Variants in SLC2A1 observed in about 807,000 individuals in gnomAD.
The protein encoded by SLC2A1 is solute carrier family 2 member 1.
SLC2A1 carries 4 observed loss-of-function variants against 46.6 expected under a neutral mutation model. The observed-to-expected ratio is 0.09, with a 90% CI of 0.04 to 0.20. The LOEUF is 0.20. Among genes scored for constraint, SLC2A1 ranks in the 10% least tolerant of loss-of-function variants. The probability of loss-of-function intolerance (pLI) is 1.00; values close to 1 mark genes in which losing one functional copy is unlikely to be tolerated. For missense variants in SLC2A1, 352 were observed against 667.0 expected (o/e 0.53, Z 5.20); for synonymous variants, 253 against 270.0 (o/e 0.94, Z 0.62).
rs769943554 is a variant in SLC2A1, at chr1:42,928,972, G to A, written c.1034C>T (p.Ala345Val). Reference sequence around the variant, plus strand: ...GATGGTCATGAGTATGGCACAACCCGCCATGCCAGCGAGGCCTATGAGGTG... The same window carrying A: ...GATGGTCATGAGTATGGCACAACCCACCATGCCAGCGAGGCCTATGAGGTG... Reference protein sequence around the residue: ...TLHLIGLAGMAGCAILMTIAL... With the variant: ...TLHLIGLAGMVGCAILMTIAL... Residue 345 changes from alanine to valine, a missense_variant, in exon 8 of 10, where the codon GCG becomes GTG. Physicochemically the swap from Ala to Val is moderately conservative, Grantham distance 64. Around this residue, in one of 5 missense-constraint regions of SLC2A1, gnomAD observed 167 missense variants for 280.8 expected, o/e 0.59. Coordinates refer to ENST00000426263, the MANE Select transcript of SLC2A1 (RefSeq NM_006516.4). 59 of 1,613,824 alleles carry A rather than the reference G, an allele frequency of 3.7e-5. 1 individual carries two copies. The highest frequency in any genetic ancestry group is 2.7e-4 in the Admixed American group (16 of 60,012).
rs773409073 is a variant in SLC2A1, at chr1:42,929,068, C to T, written c.973-35G>A. On this transcript the variant is annotated intron_variant, in intron 7 of 9. Transcript: ENST00000426263. The surrounding 1 kb of genome is among the most constrained non-coding windows in gnomAD (Gnocchi z 6.0). The stretch of plus-strand genomic sequence containing the variant: ...GAGACAGTGTCAGTGCCACCCCTGC[C>T]TAGTGCCCTTCTGAACCCACCCACC... 1.2e-6 allele frequency: 2 copies of T among 1,604,048 alleles called. No individual in the cohort carries two copies. Among genetic ancestry groups the T allele is most frequent in the South Asian group, 1.1e-5 (1 of 90,902 alleles).
chr1:42,929,581 G>A lies in SLC2A1; in HGVS notation c.867+12C>T, dbSNP rs530869503. The A allele has an allele frequency of 6.2e-7, 1 of 1,608,152 alleles. No homozygotes were observed. Among genetic ancestry groups the A allele is most frequent in the East Asian group, 2.2e-5 (1 of 44,824 alleles). On this transcript the variant is annotated intron_variant, in intron 6 of 9. Coordinates refer to ENST00000426263, the MANE Select transcript of SLC2A1 (RefSeq NM_006516.4). The surrounding 1 kb of genome is among the most constrained non-coding windows in gnomAD (Gnocchi z 6.0). ...TGGCTGGGGCACAGGAAGGGTGGGT[G>A]GGGGCACTCACAGCGTTGATGCCAG...
chr1:42,929,952 C>T lies in SLC2A1; in HGVS notation c.600G>A (p.Gln200=). ...LSIIFIPALL[Q]CIVLPFCPES... ...CGGGGCAGAAGGGCAGCACGATGCA[C>T]TGCAGCAGGGCCGGGATGAAGATGA... The change falls in exon 5 of 10, where the codon CAG becomes CAA. Residue 200 remains glutamine (Q), a synonymous_variant. Transcript: ENST00000426263. This position sits in a 1 kb window ranked among gnomAD's most constrained non-coding sequence, Gnocchi z 6.0. 6.2e-7 allele frequency: 1 copy of T among 1,614,202 alleles called. No homozygotes were observed. Among genetic ancestry groups the T allele is most frequent in the Non-Finnish European group, 8.5e-7 (1 of 1,180,032 alleles).
chr1:42,931,173 G>A lies in SLC2A1; in HGVS notation c.148C>T (p.His50Tyr). ...GGCAGGATGCTCTCCCCATAGCGGT[G>A]GACCCATGTCTGGTTGTAGAACTCC... The part of the protein sequence containing the change: ...IEEFYNQTWV[H>Y]RYGESILPTT... Residue 50 changes from histidine to tyrosine, a missense_variant, in exon 3 of 10, where the codon CAC becomes TAC. Physicochemically the swap from His to Tyr is moderately conservative, Grantham distance 83. Transcript: ENST00000426263. The A allele has an allele frequency of 6.2e-7, 1 of 1,614,174 alleles. No individual in the cohort carries two copies. Among genetic ancestry groups the A allele is most frequent in the African/African-American group, 1.3e-5 (1 of 75,044 alleles).
At chr1:42,935,287 G>A (rs759104601) in intron 2 of SLC2A1, among the ~76,000 whole-genome samples, 2 of 152,134 alleles carry the variant, frequency 1.3e-5, no homozygotes, top group Admixed American at 6.5e-5. Flanking sequence ...TCTGGTACGC[G>A]AAGCTATTCC....
chr1:42,958,414 C>A (rs1184785769), intron 1 of SLC2A1, among the ~76,000 whole-genome samples: 1 of 150,644 alleles, frequency 6.6e-6, no homozygotes, highest in Non-Finnish European at 1.5e-5. Flanking sequence ...ACGCACGCGG[C>A]GCCCTCCGGC....
intron 1 of SLC2A1, among the ~76,000 whole-genome samples, chr1:42,950,224 C>A (rs1643705270): frequency 6.6e-6 from 1 of 152,266 alleles, no homozygotes; most frequent in South Asian, 2.1e-4. Context: ...CAGCCACACT[C>A]ATTTGTCTAC....
intron 1 of SLC2A1, among the ~76,000 whole-genome samples, chr1:42,955,205 A>G (rs947955126): frequency 6.6e-5 from 10 of 152,222 alleles, no homozygotes; most frequent in African/African-American, 2.2e-4. Context: ...AGAAATATTT[A>G]TGGAGCATCT....
intron 1 of SLC2A1, among the ~76,000 whole-genome samples, chr1:42,945,126 C>T (rs565323350): frequency 1.4e-4 from 22 of 152,278 alleles, no homozygotes; most frequent in East Asian, 1.2e-3. Context: ...AGGCCCGCCA[C>T]GTGCTGGGCT....
Position 42,958,616 on chromosome 1 carries a change from C to T in SLC2A1, c.18+18G>A. 1.3e-6 allele frequency: 2 copies of T among 1,523,964 alleles called. No individual in the cohort carries two copies. Among genetic ancestry groups the T allele is most frequent in the Non-Finnish European group, 8.8e-7 (1 of 1,141,194 alleles). 94.4% of individuals were successfully genotyped at this position (1,523,964 alleles called of 1,614,324 possible). ...CGCCTTTGTTCCTGGCGGGAGGGCCCGCGGGCGCGCGACTCACCTTGCTGC... is the reference window on the plus strand; with the variant it reads ...CGCCTTTGTTCCTGGCGGGAGGGCCTGCGGGCGCGCGACTCACCTTGCTGC... On this transcript the variant is annotated intron_variant, in intron 1 of 9. Coordinates refer to ENST00000426263, the MANE Select transcript of SLC2A1 (RefSeq NM_006516.4).
Position 42,954,512 on chromosome 1 carries a change from C to T in SLC2A1, c.18+4122G>A, listed in dbSNP as rs1181037467. On this transcript the variant is annotated intron_variant, in intron 1 of 9. Transcript: ENST00000426263. This position sits in a 1 kb window ranked among gnomAD's most constrained non-coding sequence, Gnocchi z 4.2. The stretch of plus-strand genomic sequence containing the variant: ...GGCACTCCAGCCTGGGCAACAAGAG[C>T]GAAACTCCGTCTCAAAAATCAAAAC... Among the ~76,000 whole-genome samples the T allele has an allele frequency of 3.3e-5, 5 of 152,262 alleles. No individual in the cohort carries two copies. In the East Asian group the frequency reaches 5.8e-4, roughly 18 times the overall value.
intron 1 of SLC2A1, among the ~76,000 whole-genome samples, chr1:42,949,092 A>T (rs540782977): frequency 6.6e-6 from 1 of 151,414 alleles, no homozygotes; most frequent in African/African-American, 2.4e-5. Context: ...AAAGTACAAA[A>T]ATTAGTGGGG....
intron 2 of SLC2A1, among the ~76,000 whole-genome samples, chr1:42,937,875 G>C (rs1333656573): frequency 2.0e-5 from 3 of 152,144 alleles, no homozygotes; most frequent in Non-Finnish European, 1.5e-5. Flanking sequence ...ACAGGGCTTG[G>C]GTTGGGAGGC....
intron 1 of SLC2A1, among the ~76,000 whole-genome samples, chr1:42,945,576 T>C (rs769991282): frequency 2.0e-4 from 30 of 151,782 alleles, no homozygotes; most frequent in Non-Finnish European, 3.4e-4. Context: ...GGCAAAACCC[T>C]GTCTCTACTA....
chr1:42,946,157 C>T (rs930999122), intron 1 of SLC2A1, among the ~76,000 whole-genome samples: 4 of 152,114 alleles, frequency 2.6e-5, no homozygotes, highest in African/African-American at 9.7e-5. Context: ...AGCAGCTGCT[C>T]GACTGTAGCC....
At position 42,929,063 on chromosome 1, in the gene SLC2A1, C is replaced by T; in HGVS notation, c.973-30G>A. 1.2e-6 allele frequency: 2 copies of T among 1,604,182 alleles called. No homozygotes were observed. Among genetic ancestry groups the T allele is most frequent in the Non-Finnish European group, 1.7e-6 (2 of 1,172,130 alleles). On this transcript the variant is annotated intron_variant, in intron 7 of 9. Transcript: ENST00000426263. The surrounding 1 kb of genome is among the most constrained non-coding windows in gnomAD (Gnocchi z 6.0). The stretch of plus-strand genomic sequence containing the variant: ...GGGCAGAGACAGTGTCAGTGCCACC[C>T]CTGCCTAGTGCCCTTCTGAACCCAC...
At chr1:42,951,496 G>T (rs1643720155) in intron 1 of SLC2A1, 2 of 200,118 alleles carry the variant, frequency 1.0e-5, no homozygotes, top group South Asian at 3.8e-4. Context: ...AACAGAATGG[G>T]TTGCAAAGAA....
At chr1:42,956,407 CAAAAAAAAAAAA>C (rs71577684) in intron 1 of SLC2A1, among the ~76,000 whole-genome samples, 5 of 44,504 alleles carry the variant, frequency 1.1e-4, no homozygotes, top group Non-Finnish European at 2.0e-4. Context: ...ACTAAAACTA[CAAAAAAAAAAAA>C]AAAAAAAAAA....
At chr1:42,932,678 G>T (rs886287655) in intron 2 of SLC2A1, among the ~76,000 whole-genome samples, 1 of 152,134 alleles carries the variant, frequency 6.6e-6, no homozygotes, top group Non-Finnish European at 1.5e-5. Flanking sequence ...AACCCACTGA[G>T]GTCTAGCAGA....
Sources: allele counts gnomAD v4.1 joint callset (sites outside exome capture counted in the v4.1 genomes callset), GRCh38; gene constraint gnomAD v4.1.1; regional missense constraint gnomAD v4.1.1; non-coding constraint Gnocchi (gnomAD v3.1); transcripts MANE v1.5; gene names NCBI Gene and HGNC (gene_info 2026-07-23, HGNC 2026-07-21).